Variants in GHR observed in about 807,000 individuals in gnomAD.
GHR encodes GH receptor.
A neutral mutation model predicts 67.1 loss-of-function variants in GHR; 35 were observed. The observed-to-expected ratio is 0.52, with a 90% CI of 0.40 to 0.69. The LOEUF is 0.69. Among genes scored for constraint, GHR ranks in the 30% least tolerant of loss-of-function variants. GHR has a pLI of 0.00. For missense variants in GHR, 792 were observed against 764.6 expected (o/e 1.04, Z -0.42); for synonymous variants, 272 against 269.1 (o/e 1.01, Z -0.10).
chr5:42,707,321 T>C (rs1489837010), intron 6 of GHR, among the ~76,000 whole-genome samples: 3 of 152,078 alleles, frequency 2.0e-5, no homozygotes, highest in Non-Finnish European at 4.4e-5. Flanking sequence ...TTAATAATTT[T>C]ATCTTTTAAC....
chr5:42,436,131 T>G (rs1268801509), intron 1 of GHR, among the ~76,000 whole-genome samples: 1 of 152,240 alleles, frequency 6.6e-6, no homozygotes, highest in Non-Finnish European at 1.5e-5. Context: ...GCATTGTGTG[T>G]GCATATCACA....
At chr5:42,462,911 A>C (rs1744549612) in intron 1 of GHR, among the ~76,000 whole-genome samples, 1 of 152,186 alleles carries the variant, frequency 6.6e-6, no homozygotes, top group South Asian at 2.1e-4. Flanking sequence ...GAACTAGCAT[A>C]CAATGTAACT....
chr5:42,570,297 T>C (rs1750217371), intron 2 of GHR, among the ~76,000 whole-genome samples: 1 of 152,190 alleles, frequency 6.6e-6, no homozygotes, highest in South Asian at 2.1e-4. Flanking sequence ...AGAAATCTTA[T>C]GGTGTGTTCT....
chr5:42,695,522 T>C (rs142833684), intron 5 of GHR, among the ~76,000 whole-genome samples: 32 of 152,324 alleles, frequency 2.1e-4, no homozygotes, highest in Admixed American at 4.6e-4. Flanking sequence ...CTAGATTTTC[T>C]TTATCACAAA....
At chr5:42,437,113 G>A (rs1224727882) in intron 1 of GHR, among the ~76,000 whole-genome samples, 1 of 152,178 alleles carries the variant, frequency 6.6e-6, no homozygotes, top group African/African-American at 2.4e-5. Context: ...GATATGAGGA[G>A]GCAATCATGT....
chr5:42,495,649 G>T (rs1312261365), intron 1 of GHR, among the ~76,000 whole-genome samples: 1 of 152,090 alleles, frequency 6.6e-6, no homozygotes, highest in East Asian at 1.9e-4. Flanking sequence ...GGGATGGTAG[G>T]TTCATTTGGG....
chr5:42,554,372 A>G (rs1386703343), intron 1 of GHR, among the ~76,000 whole-genome samples: 1 of 152,156 alleles, frequency 6.6e-6, no homozygotes, highest in Non-Finnish European at 1.5e-5. Flanking sequence ...CTTTAATTGT[A>G]TGTAGAGTTC....
intron 3 of GHR, among the ~76,000 whole-genome samples, chr5:42,672,995 A>C (rs764604308): frequency 2.6e-5 from 4 of 152,264 alleles, no homozygotes; most frequent in Middle Eastern, 3.4e-3. Flanking sequence ...AATGGGTGAA[A>C]ATCTTCACAA....
chr5:42,687,414 A>G (rs1175588996), intron 3 of GHR, among the ~76,000 whole-genome samples: 2 of 152,120 alleles, frequency 1.3e-5, no homozygotes, highest in African/African-American at 4.8e-5. Flanking sequence ...TACCTGACCC[A>G]GCTTATTTTT....
At chr5:42,540,222 TATCTCTCTTCCTCTCTTC>T (rs1748446063) in intron 1 of GHR, among the ~76,000 whole-genome samples, 3 of 150,848 alleles carry the variant, frequency 2.0e-5, no homozygotes, top group Non-Finnish European at 4.4e-5. Context: ...TCTCTCTCTG[TATCTCTCTTCCTCTCTTC>T]ATCTCTCTTC....
chr5:42,443,156 T>A (rs955960064), intron 1 of GHR, among the ~76,000 whole-genome samples: 3 of 152,220 alleles, frequency 2.0e-5, no homozygotes, highest in African/African-American at 7.2e-5. Flanking sequence ...TGGACTTCTC[T>A]TAGCCAGGAT....
chr5:42,583,893 A>G (rs1751331655), intron 2 of GHR, among the ~76,000 whole-genome samples: 1 of 149,320 alleles, frequency 6.7e-6, no homozygotes, highest in African/African-American at 2.4e-5. Context: ...ATATATATAT[A>G]TATAAATTCT....
chr5:42,708,518 A>C (rs1394635868), intron 6 of GHR, among the ~76,000 whole-genome samples: 1 of 152,128 alleles, frequency 6.6e-6, no homozygotes, highest in African/African-American at 2.4e-5. Context: ...AAATTTTTTC[A>C]TTTCAATTTC....
intron 8 of GHR, among the ~76,000 whole-genome samples, chr5:42,715,433 A>T (rs1579669238): frequency 6.6e-6 from 1 of 152,338 alleles, no homozygotes; most frequent in Admixed American, 6.5e-5. Flanking sequence ...ACAATTCATT[A>T]TCCAACCCAC....
chr5:42,620,715 G>A (rs1418912346), intron 2 of GHR, among the ~76,000 whole-genome samples: 2 of 152,100 alleles, frequency 1.3e-5, no homozygotes, highest in Non-Finnish European at 2.9e-5. Context: ...AGTTGATAAC[G>A]TGATGCAACT....
At chr5:42,605,293 A>G (rs2112649392) in intron 2 of GHR, among the ~76,000 whole-genome samples, 1 of 151,456 alleles carries the variant, frequency 6.6e-6, no homozygotes, top group Admixed American at 6.6e-5. Flanking sequence ...TTTAGTAGAG[A>G]TGGGGTTTCT....
intron 2 of GHR, among the ~76,000 whole-genome samples, chr5:42,614,525 C>T (rs145133099): frequency 1.4e-4 from 20 of 147,968 alleles, no homozygotes; most frequent in Non-Finnish European, 1.6e-4. Context: ...GACCATACTA[C>T]CTAGAGCAGC....
chr5:42,537,944 A>C (rs1367065483), intron 1 of GHR, among the ~76,000 whole-genome samples: 1 of 152,106 alleles, frequency 6.6e-6, no homozygotes, highest in African/African-American at 2.4e-5. Context: ...CTGTTGCTTC[A>C]AAGTTTGTTT....
In GHR at chr5:42,705,856, C is replaced by A. The variant is rs180900045; in HGVS notation, c.619-5351C>A. Among the ~76,000 whole-genome samples the A allele has an allele frequency of 5.3e-5, 8 of 152,178 alleles. No homozygotes were observed. In the South Asian group the frequency reaches 1.7e-3, roughly 32 times the overall value. ...TGTGAATAGTGCTATGATGAACACACGCATGCATGTGTCTTTATGGTAAAA... is the reference window on the plus strand; with the variant it reads ...TGTGAATAGTGCTATGATGAACACAAGCATGCATGTGTCTTTATGGTAAAA... On this transcript the variant is annotated intron_variant, in intron 6 of 9. Coordinates refer to ENST00000230882, the MANE Select transcript of GHR (RefSeq NM_000163.5).
Sources: allele counts gnomAD v4.1 joint callset (sites outside exome capture counted in the v4.1 genomes callset), GRCh38; gene constraint gnomAD v4.1.1; transcripts MANE v1.5; gene names NCBI Gene and HGNC (gene_info 2026-07-23, HGNC 2026-07-21).